GALNT11: variants seen among roughly 807,000 people sequenced by gnomAD.
GALNT11 encodes UDP-GalNAc:polypeptide N-acetylgalactosaminyltransferase 11.
A neutral mutation model predicts 72.7 loss-of-function variants in GALNT11; 47 were observed. That is an observed-to-expected ratio of 0.65 (90% CI 0.51 to 0.82). The LOEUF is 0.82. Among genes scored for constraint, GALNT11 ranks in the 40% least tolerant of loss-of-function variants. The pLI is 0.00. For synonymous variants in GALNT11, 270 were observed against 286.6 expected (o/e 0.94, Z 0.58); for missense variants, 677 against 778.4 (o/e 0.87, Z 1.55).
At chr7:152,070,550 C>T (rs1236071441) in intron 1 of GALNT11, among the ~76,000 whole-genome samples, 2 of 152,190 alleles carry the variant, frequency 1.3e-5, no homozygotes, top group Admixed American at 1.3e-4. Context: ...TTTCTTCCAT[C>T]TTCAAAGCTA....
At chr7:152,103,337 C>CA (rs1208971910) in intron 4 of GALNT11, 59 bp downstream of exon 4, 1 of 1,541,936 alleles carries the variant, frequency 6.5e-7, no homozygotes, top group African/African-American at 1.4e-5. Flanking sequence ...ACAGCACTGA[C>CA]AAACACTAAC....
chr7:152,104,457 A>C (rs1379483284), intron 4 of GALNT11: 1 of 152,174 alleles, frequency 6.6e-6, no homozygotes, highest in Non-Finnish European at 1.5e-5. Flanking sequence ...TTGGCCAAAA[A>C]CAAACAAACA....
In GALNT11 at chr7:152,108,280, C is replaced by T; in HGVS notation, c.955C>T (p.Pro319Ser). ...ELGRAEGATA[P>S]IKSPTMAGGL... ...AGGACGAGCGGAGGGAGCCACTGCA[C>T]CAATAAAGTAAGATCGCTCCTTTGT... is the stretch of plus-strand genomic sequence containing the variant. The change falls in exon 6 of 12, where the codon CCA (proline) becomes TCA (serine). Residue 319 changes from proline to serine, a missense_variant. Coordinates refer to ENST00000430044, the MANE Select transcript of GALNT11 (RefSeq NM_022087.4). 6.2e-7 allele frequency: 1 copy of T among 1,607,396 alleles called. No homozygotes were observed. The highest frequency in any genetic ancestry group is 8.5e-7 in the Non-Finnish European group (1 of 1,174,412).
At chr7:152,068,816 ATTTTTTTCTTTTGATT>A in intron 1 of GALNT11, among the ~76,000 whole-genome samples, 1 of 150,878 alleles carries the variant, frequency 6.6e-6, no homozygotes, top group South Asian at 2.1e-4. Flanking sequence ...TTTTTATTGT[ATTTTTTTCTTTTGATT>A]GCCTTAGGCT....
intron 1 of GALNT11, among the ~76,000 whole-genome samples, chr7:152,093,353 G>T (rs1222597710): frequency 2.6e-5 from 4 of 152,034 alleles, no homozygotes; most frequent in Non-Finnish European, 1.5e-5. Context: ...AAATAACTTA[G>T]ATTTAGAGTG....
At chr7:152,079,167 T>C (rs983096702) in intron 1 of GALNT11, 2 of 152,242 alleles carry the variant, frequency 1.3e-5, no homozygotes, top group African/African-American at 2.4e-5. Context: ...TTATATTATT[T>C]GTTTTCCTTA....
intron 1 of GALNT11, among the ~76,000 whole-genome samples, chr7:152,040,525 G>A (rs1177890647): frequency 1.3e-5 from 2 of 152,172 alleles, no homozygotes; most frequent in African/African-American, 4.8e-5. Flanking sequence ...GCAACAAGGC[G>A]ATCAGCCATT....
intron 1 of GALNT11, among the ~76,000 whole-genome samples, chr7:152,080,573 A>G (rs1281430545): frequency 6.6e-6 from 1 of 152,234 alleles, no homozygotes; most frequent in African/African-American, 2.4e-5. Context: ...ATAGCAAAAC[A>G]TTAAAGTGGT....
intron 1 of GALNT11, among the ~76,000 whole-genome samples, chr7:152,071,412 G>C (rs1442544294): frequency 6.6e-6 from 1 of 152,206 alleles, no homozygotes; most frequent in South Asian, 2.1e-4. Context: ...ATATGGTTCT[G>C]TTCCACCCGG....
chr7:152,101,759 G>A (rs1214127548), intron 3 of GALNT11, among the ~76,000 whole-genome samples: 4 of 151,768 alleles, frequency 2.6e-5, no homozygotes, highest in African/African-American at 9.7e-5. Flanking sequence ...TCGGCCTCCT[G>A]AGTAGCTAGG....
At chr7:152,072,337 AAAG>A (rs1563056922) in intron 1 of GALNT11, among the ~76,000 whole-genome samples, 1 of 152,046 alleles carries the variant, frequency 6.6e-6, no homozygotes, top group Non-Finnish European at 1.5e-5. Context: ...AAAAAAGAAA[AAAG>A]AAATTCTAAT....
chr7:152,120,532 G>C, intron 10 of GALNT11: 1 of 307,156 alleles, frequency 3.3e-6, no homozygotes, highest in Non-Finnish European at 6.2e-6. Context: ...ACACAGTCCA[G>C]GAATTAAGAG....
intron 3 of GALNT11, among the ~76,000 whole-genome samples, chr7:152,101,643 G>GA (rs2086902123): frequency 1.1e-5 from 1 of 94,054 alleles, no homozygotes; most frequent in African/African-American, 6.7e-5. Flanking sequence ...GCTTTTTTTT[G>GA]GGGGGGGGGG....
At chr7:152,080,213 G>A (rs191017853) in intron 1 of GALNT11, among the ~76,000 whole-genome samples, 7 of 152,024 alleles carry the variant, frequency 4.6e-5, no homozygotes, top group Admixed American at 2.0e-4. Context: ...ATATTCTTTC[G>A]GTGTGCTTAA....
chr7:152,080,496 G>C lies in GALNT11; in HGVS notation c.-38-13694G>C, dbSNP rs146336555. Reference sequence around the variant, plus strand: ...CTAACCTGAGTCTATTAATTTTTTGGTAGTTGCCAAAAGCAGTATAGCATT... The same window carrying C: ...CTAACCTGAGTCTATTAATTTTTTGCTAGTTGCCAAAAGCAGTATAGCATT... On this transcript the variant is annotated intron_variant, in intron 1 of 11. Transcript: ENST00000430044. Among the ~76,000 whole-genome samples, 351 of 152,192 alleles carry C rather than the reference G, an allele frequency of 2.3e-3. 1 individual carries two copies. The highest frequency in any genetic ancestry group is 8.1e-3 in the African/African-American group (338 of 41,526).
intron 6 of GALNT11, among the ~76,000 whole-genome samples, chr7:152,109,600 A>G (rs773607532): frequency 4.6e-5 from 7 of 152,106 alleles, no homozygotes; most frequent in African/African-American, 7.2e-5. Flanking sequence ...AAACCCCTTC[A>G]TATCTGTTTC....
chr7:152,064,405 A>G (rs2084192192), intron 1 of GALNT11, among the ~76,000 whole-genome samples: 1 of 152,104 alleles, frequency 6.6e-6, no homozygotes, highest in African/African-American at 2.4e-5. Flanking sequence ...TTGACTCTTT[A>G]TCCAATTTGC....
At chr7:152,040,304 A>G (rs2082793952) in intron 1 of GALNT11, among the ~76,000 whole-genome samples, 1 of 152,072 alleles carries the variant, frequency 6.6e-6, no homozygotes, top group Non-Finnish European at 1.5e-5. Flanking sequence ...ACGAGGGAAC[A>G]TGTGTGACAT....
chr7:152,093,812 G>A (rs146843795), intron 1 of GALNT11, among the ~76,000 whole-genome samples: 3 of 152,302 alleles, frequency 2.0e-5, no homozygotes, highest in Admixed American at 1.3e-4. Context: ...TCTTTGGTTG[G>A]AAGAGACTTT....
Sources: gnomAD v4.1 joint callset for allele counts (sites outside exome capture counted in the v4.1 genomes callset) on GRCh38, gnomAD v4.1.1 for gene constraint, MANE v1.5 for transcripts, NCBI Gene and HGNC (gene_info 2026-07-23, HGNC 2026-07-21) for gene names.